Variants in DST observed in about 807,000 individuals in gnomAD.
DST encodes the protein bullous pemphigoid antigen.
In DST, 253 loss-of-function variants were observed where a neutral mutation model predicts 875.2. The ratio of observed to expected loss-of-function variants is 0.29; its 90% CI spans 0.26 to 0.32. DST has a LOEUF of 0.32. Ranked by LOEUF, DST falls within the 10% of genes least tolerant of loss-of-function variation. The probability of loss-of-function intolerance (pLI) is 1.00; values close to 1 mark genes in which losing one functional copy is unlikely to be tolerated. For synonymous variants in DST, 3,124 were observed against 3,197.1 expected, an observed-to-expected ratio of 0.98 and a Z score of 0.77; for missense variants, 8,287 against 9,111.6, an observed-to-expected ratio of 0.91 and a Z score of 3.68.
chr6:56,468,055 G>C (rs768176598), intron 98 of DST, among the ~76,000 whole-genome samples: 9 of 152,032 alleles, frequency 5.9e-5, no homozygotes, highest in Non-Finnish European at 8.8e-5. Flanking sequence ...AAAGGTAATA[G>C]ATAATTTGAA....
chr6:56,601,524 A>G lies in DST; in HGVS notation c.11460T>C (p.Leu3820=), dbSNP rs1290574331. 6.8e-6 allele frequency: 11 copies of G among 1,606,368 alleles called. No homozygotes were observed. Among genetic ancestry groups the G allele is most frequent in the Non-Finnish European group, 4.2e-6 (5 of 1,176,678 alleles). ...RLLNTTQKCF[L]DVQESVTTQV... ...GGGTAGTTACTGACTCCTGTACATC[A>G]AGAAAACACTTCTGAGTTGTATTTA... Residue 3820 remains leucine, a synonymous_variant, in exon 44 of 104, where the codon CTT becomes CTC. Coordinates refer to ENST00000680361, the MANE Select transcript of DST (RefSeq NM_001374736.1).
intron 12 of DST, among the ~76,000 whole-genome samples, chr6:56,649,027 T>C (rs911991640): frequency 6.6e-6 from 1 of 152,216 alleles, no homozygotes; most frequent in African/African-American, 2.4e-5. Context: ...TTACCAGGGC[T>C]CAAGATTGGG....
At chr6:56,626,519 G>A (rs554073383) in intron 34 of DST, among the ~76,000 whole-genome samples, 58 of 152,272 alleles carry the variant, frequency 3.8e-4, no homozygotes, top group African/African-American at 1.4e-3. Flanking sequence ...GTAGAAAGCT[G>A]TAACATGTAG....
chr6:56,610,672 C>T (rs2098536979), intron 38 of DST, 110 bp from the exon 39 acceptor site: 2 of 825,484 alleles, frequency 2.4e-6, no homozygotes, highest in South Asian at 3.9e-5. Flanking sequence ...TATAGCCTCA[C>T]ATACATATTG....
chr6:56,596,146 A>G (rs2098382891), intron 47 of DST, among the ~76,000 whole-genome samples: 1 of 152,004 alleles, frequency 6.6e-6, no homozygotes, highest in Admixed American at 6.6e-5. Context: ...CTCCTGCCTC[A>G]GTCTCCCAAG....
chr6:56,952,136 C>T (rs1227821826), intron 2 of DST, among the ~76,000 whole-genome samples: 1 of 152,176 alleles, frequency 6.6e-6, no homozygotes, highest in Non-Finnish European at 1.5e-5. Flanking sequence ...AGATGTCAAA[C>T]TGTACCAGGA....
rs552050020 is a variant in DST, at chr6:56,954,488, A to C, written c.100T>G (p.Phe34Val). ...LLLGTIATIV[F>V]FCCWHRKLQK... The stretch of plus-strand genomic sequence containing the variant: ...AGCTTGCGGTGCCAGCAGCAGAAGA[A>C]GACGATGGTGGCGATGGTGCCCAGC... Residue 34 changes from phenylalanine to valine, a missense_variant, in exon 1 of 104, where the codon TTC becomes GTC. Phe to Val is a conservative substitution (Grantham distance 50). This residue lies in a region of DST where 1,160 missense variants were observed against 1,424.3 expected (regional missense o/e 0.81). Transcript: ENST00000680361. 3 of 1,367,540 alleles carry C rather than the reference A, an allele frequency of 2.2e-6. No homozygotes were observed. The highest frequency in any genetic ancestry group is 2.9e-5 in the African/African-American group (2 of 67,882). 84.7% of individuals were successfully genotyped at this position (1,367,540 alleles called of 1,614,324 possible). A position where few individuals can be genotyped will look rare whatever the true frequency, so the allele number is the denominator to read the frequency against.
intron 4 of DST, among the ~76,000 whole-genome samples, chr6:56,825,464 C>T (rs1221578311): frequency 6.7e-6 from 1 of 150,200 alleles, no homozygotes; most frequent in East Asian, 1.9e-4. Context: ...TGCCAAATCC[C>T]CCTCTCTGGG....
intron 9 of DST, among the ~76,000 whole-genome samples, chr6:56,698,984 A>AGTGG (rs2099278674): frequency 1.3e-5 from 2 of 152,196 alleles, no homozygotes; most frequent in African/African-American, 2.4e-5. Flanking sequence ...CTCTAGTAGC[A>AGTGG]GAACATTTCT....
intron 4 of DST, among the ~76,000 whole-genome samples, chr6:56,818,681 T>C (rs1281041857): frequency 6.6e-6 from 1 of 152,146 alleles, no homozygotes; most frequent in Admixed American, 6.5e-5. Flanking sequence ...TTCAGAGTAA[T>C]ATAACTTCAG....
chr6:56,690,681 A>C (rs2099222532), intron 9 of DST, among the ~76,000 whole-genome samples: 1 of 152,250 alleles, frequency 6.6e-6, no homozygotes, highest in African/African-American at 2.4e-5. Flanking sequence ...ATGTTGGTTA[A>C]TCAGTCATTT....
At chr6:56,718,934 T>C (rs907767387) in intron 5 of DST, among the ~76,000 whole-genome samples, 5 of 152,212 alleles carry the variant, frequency 3.3e-5, no homozygotes, top group African/African-American at 1.2e-4. Context: ...GTACAAGGTT[T>C]CTTTTTGGGG....
At chr6:56,555,869 A>G (rs776402675) in intron 59 of DST, 29 bp from the exon 60 acceptor site, 1 of 1,446,438 alleles carries the variant, frequency 6.9e-7, no homozygotes, top group South Asian at 1.7e-5. Flanking sequence ...ACAAACGCAA[A>G]TTATTATATA....
chr6:56,698,264 C>T (rs1290667296), intron 9 of DST, among the ~76,000 whole-genome samples: 1 of 152,078 alleles, frequency 6.6e-6, no homozygotes, highest in Non-Finnish European at 1.5e-5. Context: ...AACAAGCCCC[C>T]CAGGTACATT....
At chr6:56,478,800 A>G (rs34954984) in intron 90 of DST, among the ~76,000 whole-genome samples, 34,638 of 152,120 alleles carry the variant, frequency 0.23, 4,556 homozygotes, top group Middle Eastern at 0.41. Context: ...TTCACTTTGA[A>G]ATATAGGTGT....
chr6:56,579,370 C>A (rs2024751), intron 49 of DST, among the ~76,000 whole-genome samples: 43,167 of 152,072 alleles, frequency 0.28, 7,539 homozygotes, highest in Admixed American at 0.39. Flanking sequence ...TGACTCAATA[C>A]TGAGTCATGT....
At chr6:56,570,288 C>T (rs1353368199) in intron 53 of DST, among the ~76,000 whole-genome samples, 1 of 152,146 alleles carries the variant, frequency 6.6e-6, no homozygotes, top group East Asian at 1.9e-4. Flanking sequence ...TTATTGTGTG[C>T]TTTATTTCTA....
At chr6:56,650,325 CA>C (rs70989721) in intron 12 of DST, among the ~76,000 whole-genome samples, 1,607 of 48,668 alleles carry the variant, frequency 0.033, 14 homozygotes, top group African/African-American at 0.094. Context: ...CATAACCACC[CA>C]AAAAAAAAAA....
At chr6:56,916,360 G>C (rs763964512) in intron 2 of DST, among the ~76,000 whole-genome samples, 1 of 152,162 alleles carries the variant, frequency 6.6e-6, no homozygotes, top group African/African-American at 2.4e-5. Context: ...CAAAGTATTG[G>C]ACCTTCAGTT....
Sources: allele counts gnomAD v4.1 joint callset (sites outside exome capture counted in the v4.1 genomes callset), GRCh38; gene constraint gnomAD v4.1.1; regional missense constraint gnomAD v4.1.1; transcripts MANE v1.5; gene names NCBI Gene and HGNC (gene_info 2026-07-23, HGNC 2026-07-21).